The following RBFOX3 variants were observed in gnomAD, a reference collection of about 807,000 sequenced individuals.
RBFOX3 encodes RNA binding protein fox-1 homolog 3.
A neutral mutation model predicts 48.7 loss-of-function variants in RBFOX3; 17 were observed. The observed-to-expected ratio is 0.35, with a 90% CI of 0.24 to 0.52. The LOEUF (loss-of-function observed/expected upper bound fraction) is 0.52. Ranked by LOEUF, RBFOX3 falls within the 20% of genes least tolerant of loss-of-function variation. RBFOX3 has a pLI of 0.94. For synonymous variants in RBFOX3, 212 were observed against 209.5 expected (o/e 1.01, Z -0.10); for missense variants, 382 against 497.5 (o/e 0.77, Z 2.21).
chr17:79,579,430 T>G (rs892801566), intron 1 of RBFOX3, among the ~76,000 whole-genome samples: 1 of 152,192 alleles, frequency 6.6e-6, no homozygotes, highest in Non-Finnish European at 1.5e-5. Flanking sequence ...GTCATTTTCC[T>G]TGGATACTCA....
At chr17:79,238,648 C>T (rs574669252) in intron 3 of RBFOX3, among the ~76,000 whole-genome samples, 15 of 152,374 alleles carry the variant, frequency 9.8e-5, no homozygotes, top group African/African-American at 3.6e-4. Flanking sequence ...CCCCATCCAA[C>T]CCAGCTTCTC....
intron 2 of RBFOX3, among the ~76,000 whole-genome samples, chr17:79,415,330 G>T (rs2065153340): frequency 6.6e-6 from 1 of 152,224 alleles, no homozygotes; most frequent in African/African-American, 2.4e-5. Context: ...CCCACATGAA[G>T]TGTGGGGCTA....
intron 4 of RBFOX3, among the ~76,000 whole-genome samples, chr17:79,154,275 T>G (rs2045268764): frequency 6.6e-6 from 1 of 152,144 alleles, no homozygotes; most frequent in Admixed American, 6.5e-5. Flanking sequence ...CTTGCCCAGC[T>G]CCTTCTGTTT....
chr17:79,595,613 C>T (rs1253858886), intron 1 of RBFOX3, among the ~76,000 whole-genome samples: 1 of 152,188 alleles, frequency 6.6e-6, no homozygotes, highest in Non-Finnish European at 1.5e-5. Context: ...AGTGTGTTAG[C>T]AGCGGGGAGA....
intron 4 of RBFOX3, among the ~76,000 whole-genome samples, chr17:79,172,173 C>G (rs77620220): frequency 1.9e-5 from 1 of 52,486 alleles, no homozygotes; most frequent in African/African-American, 7.5e-5. Flanking sequence ...GAGTCCGTCT[C>G]AAAAAAAAAA....
At chr17:79,408,237 T>C (rs2063808690) in intron 2 of RBFOX3, among the ~76,000 whole-genome samples, 1 of 152,120 alleles carries the variant, frequency 6.6e-6, no homozygotes, top group African/African-American at 2.4e-5. Context: ...GCAGGGGCTC[T>C]TACTAAATGA....
chr17:79,485,267 A>G (rs1438508584), intron 1 of RBFOX3, among the ~76,000 whole-genome samples: 2 of 152,150 alleles, frequency 1.3e-5, no homozygotes, highest in African/African-American at 2.4e-5. Flanking sequence ...GAAGGAATGG[A>G]AACAGAGTCC....
At chr17:79,101,433 C>G in intron 9 of RBFOX3, 151 bp downstream of exon 9, 1 of 706,114 alleles carries the variant, frequency 1.4e-6, no homozygotes, top group Non-Finnish European at 2.5e-6. Context: ...CGCTTCTGAC[C>G]GGGAGCAGAG....
chr17:79,133,771 G>C (rs556851796), intron 4 of RBFOX3, among the ~76,000 whole-genome samples: 14 of 152,328 alleles, frequency 9.2e-5, no homozygotes, highest in African/African-American at 3.1e-4. Context: ...GGGATGGCAA[G>C]AACATCATCC....
chr17:79,634,369 T>C, the RBFOX3 span, among the ~76,000 whole-genome samples: 1 of 152,084 alleles, frequency 6.6e-6, no homozygotes, highest in East Asian at 1.9e-4. Context: ...TCTATTCCAT[T>C]CCAGGGGATC....
chr17:79,339,137 C>G (rs762372097), intron 2 of RBFOX3, among the ~76,000 whole-genome samples: 1 of 152,008 alleles, frequency 6.6e-6, no homozygotes, highest in Non-Finnish European at 1.5e-5. Flanking sequence ...TCACTGCCAC[C>G]TCGATCTTCC....
intron 6 of RBFOX3, 147 bp from the exon 7 acceptor site, chr17:79,104,273 C>G: frequency 2.7e-6 from 2 of 740,770 alleles, no homozygotes; most frequent in Middle Eastern, 3.5e-4. Context: ...CGGGGACCCC[C>G]TCCCACCCCT....
intron 1 of RBFOX3, among the ~76,000 whole-genome samples, chr17:79,548,375 C>T (rs78966284): frequency 2.6e-5 from 4 of 152,200 alleles, no homozygotes; most frequent in Admixed American, 6.5e-5. Flanking sequence ...CTGTGACTCC[C>T]GAGGCTCGGA....
chr17:79,532,847 A>G (rs2088041058), intron 1 of RBFOX3, among the ~76,000 whole-genome samples: 1 of 144,966 alleles, frequency 6.9e-6, no homozygotes, highest in South Asian at 2.2e-4. Context: ...GTGTGCACGC[A>G]TGCACGCCGC....
chr17:79,428,651 G>A (rs1314587689), intron 2 of RBFOX3, among the ~76,000 whole-genome samples: 3 of 152,132 alleles, frequency 2.0e-5, no homozygotes, highest in African/African-American at 7.2e-5. Context: ...TTTCACAGAC[G>A]CCCACGTCCA....
At chr17:79,460,432 T>C (rs2075228941) in intron 2 of RBFOX3, among the ~76,000 whole-genome samples, 1 of 152,088 alleles carries the variant, frequency 6.6e-6, no homozygotes, top group Non-Finnish European at 1.5e-5. Context: ...ATCAAGCTCA[T>C]CAGGTCTAGC....
intron 1 of RBFOX3, among the ~76,000 whole-genome samples, chr17:79,569,472 A>G (rs927978443): frequency 2.0e-5 from 3 of 152,060 alleles, no homozygotes; most frequent in African/African-American, 7.2e-5. Context: ...TTGTTTGCCC[A>G]CTCACCTGTT....
At position 79,423,059 on chromosome 17, in the gene RBFOX3, C is replaced by T. The variant is rs2066718166; in HGVS notation, c.-175+59395G>A. 6.6e-6 allele frequency among the ~76,000 whole-genome samples: 1 copy of T among 152,174 alleles called. No homozygotes were observed. Among genetic ancestry groups the T allele is most frequent in the African/African-American group, 2.4e-5 (1 of 41,442 alleles). On this transcript the variant is annotated intron_variant, in intron 2 of 14. Coordinates refer to ENST00000693108, the MANE Select transcript of RBFOX3 (RefSeq NM_001350451.2). The surrounding 1 kb of genome is among the most constrained non-coding windows in gnomAD (Gnocchi z 4.9). ...GCCCCTGCGACGGGACTTCGGGTGCCCCGTGTGCCACGAACTCCCCTCTTT... is the reference window on the plus strand; with the variant it reads ...GCCCCTGCGACGGGACTTCGGGTGCTCCGTGTGCCACGAACTCCCCTCTTT...
intron 2 of RBFOX3, among the ~76,000 whole-genome samples, chr17:79,454,440 A>C (rs2074122990): frequency 6.6e-6 from 1 of 151,260 alleles, no homozygotes; most frequent in South Asian, 2.1e-4. Flanking sequence ...TCTCTCATCC[A>C]CCAACCTCAC....
Sources: gnomAD v4.1 joint callset for allele counts (sites outside exome capture counted in the v4.1 genomes callset) on GRCh38, gnomAD v4.1.1 for gene constraint, Gnocchi (gnomAD v3.1) non-coding constraint, MANE v1.5 for transcripts, NCBI Gene and HGNC (gene_info 2026-07-23, HGNC 2026-07-21) for gene names.